The following CACNA2D3 variants were observed in gnomAD, a reference collection of about 807,000 sequenced individuals.
CACNA2D3 encodes calcium voltage-gated channel auxiliary subunit alpha2delta 3.
In CACNA2D3, 60 loss-of-function variants were observed where a neutral mutation model predicts 160.6. The ratio of observed to expected loss-of-function variants is 0.37; its 90% confidence interval spans 0.30 to 0.46. The LOEUF is 0.46. Among genes scored for constraint, CACNA2D3 ranks in the 20% least tolerant of loss-of-function variants. CACNA2D3 has a pLI of 1.00. For missense variants in CACNA2D3, 1,205 were observed against 1,365.0 expected (o/e 0.88, Z 1.85); for synonymous variants, 558 against 492.9 (o/e 1.13, Z -1.75).
intron 17 of CACNA2D3, among the ~76,000 whole-genome samples, chr3:54,862,225 G>A (rs1699306279): frequency 6.6e-6 from 1 of 152,156 alleles, no homozygotes; most frequent in Non-Finnish European, 1.5e-5. Flanking sequence ...AGACTCAGCT[G>A]GAAGGATCTG....
chr3:54,554,868 C>CTTTTTTTTTTTTTTTT (rs1248489904), intron 5 of CACNA2D3, among the ~76,000 whole-genome samples: 9 of 88,168 alleles, frequency 1.0e-4, no homozygotes, highest in African/African-American at 4.5e-4. Flanking sequence ...CTCTCTCACT[C>CTTTTTTTTTTTTTTTT]TCTTTTTTTT....
chr3:54,254,674 A>G (rs1247357841), intron 2 of CACNA2D3, among the ~76,000 whole-genome samples: 3 of 152,226 alleles, frequency 2.0e-5, no homozygotes, highest in African/African-American at 7.2e-5. Flanking sequence ...CATAAGTGCT[A>G]TATGAGAGTT....
intron 2 of CACNA2D3, among the ~76,000 whole-genome samples, chr3:54,132,015 A>G (rs962961767): frequency 6.6e-6 from 1 of 152,256 alleles, no homozygotes; most frequent in African/African-American, 2.4e-5. Flanking sequence ...CAGTAAATTT[A>G]CTGGATTCAG....
At chr3:54,898,819 T>A (rs145452643) in intron 26 of CACNA2D3, among the ~76,000 whole-genome samples, 44 of 152,338 alleles carry the variant, frequency 2.9e-4, no homozygotes, top group African/African-American at 1.0e-3. Flanking sequence ...AAGTTACAGA[T>A]GACGTAACAT....
chr3:54,536,864 C>G (rs1404493275), intron 5 of CACNA2D3, among the ~76,000 whole-genome samples: 2 of 152,194 alleles, frequency 1.3e-5, no homozygotes, highest in African/African-American at 4.8e-5. Context: ...TTCTTGGGTG[C>G]CCAGCGCTGT....
At chr3:54,809,089 G>A (rs1196212672) in intron 13 of CACNA2D3, among the ~76,000 whole-genome samples, 2 of 152,002 alleles carry the variant, frequency 1.3e-5, no homozygotes, top group Admixed American at 6.6e-5. Flanking sequence ...ACGCTATATT[G>A]TTGTCCAGGT....
intron 8 of CACNA2D3, among the ~76,000 whole-genome samples, chr3:54,576,142 C>T (rs768745879): frequency 6.6e-6 from 1 of 152,182 alleles, no homozygotes; most frequent in Non-Finnish European, 1.5e-5. Flanking sequence ...GAGGTCTTTC[C>T]TCATCCTCTT....
In CACNA2D3 at chr3:54,887,874, G is replaced by C. The variant is rs765248315; in HGVS notation, c.2057-85G>C. 1.7e-4 allele frequency: 169 copies of C among 974,518 alleles called. 1 individual carries two copies. Among genetic ancestry groups the C allele is most frequent in the Non-Finnish European group, 2.6e-4 (158 of 607,960 alleles). 60.4% of individuals were successfully genotyped at this position (974,518 alleles called of 1,614,324 possible). A position where few individuals can be genotyped will look rare whatever the true frequency, so the allele number is the denominator to read the frequency against. The stretch of plus-strand genomic sequence containing the variant: ...ATGCCGCATGAGAAAGTAGCCTGCA[G>C]ATGCTGCACAATGAGCCCATGAGTG... On this transcript the variant is annotated intron_variant, in intron 23 of 37. Coordinates refer to ENST00000474759, the MANE Select transcript of CACNA2D3 (RefSeq NM_018398.3).
At chr3:54,448,322 A>C (rs72973152) in intron 4 of CACNA2D3, among the ~76,000 whole-genome samples, 4,224 of 152,306 alleles carry the variant, frequency 0.028, 191 homozygotes, top group African/African-American at 0.097. Flanking sequence ...GTAGGTGAGT[A>C]CTGGCTGCTG....
At chr3:54,998,799 T>C (rs1702918102) in intron 31 of CACNA2D3, among the ~76,000 whole-genome samples, 1 of 152,112 alleles carries the variant, frequency 6.6e-6, no homozygotes, top group African/African-American at 2.4e-5. Flanking sequence ...CAGGCTGGAG[T>C]GCAGTGGCGT....
At chr3:55,071,670 TTGA>T (rs1336023315) in intron 35 of CACNA2D3, among the ~76,000 whole-genome samples, 1 of 151,698 alleles carries the variant, frequency 6.6e-6, no homozygotes, top group Non-Finnish European at 1.5e-5. Context: ...TCTTTGATGA[TTGA>T]TGATAGGAAG....
chr3:54,485,953 C>T (rs902474650), intron 4 of CACNA2D3, among the ~76,000 whole-genome samples: 2 of 152,216 alleles, frequency 1.3e-5, no homozygotes, highest in Non-Finnish European at 2.9e-5. Flanking sequence ...CACAACTTGA[C>T]TCCTTTGCTT....
intron 10 of CACNA2D3, among the ~76,000 whole-genome samples, chr3:54,636,880 T>A (rs1333201813): frequency 6.6e-6 from 1 of 151,892 alleles, no homozygotes; most frequent in African/African-American, 2.4e-5. Flanking sequence ...CCCAGGTAAT[T>A]TGCTGAGCCT....
intron 23 of CACNA2D3, among the ~76,000 whole-genome samples, chr3:54,886,960 A>T (rs1401305434): frequency 3.6e-5 from 1 of 27,510 alleles, no homozygotes; most frequent in Admixed American, 5.6e-4. Context: ...GCCCCCAGTC[A>T]AGGTGAGGAC....
chr3:54,389,536 G>A (rs1485170133), intron 4 of CACNA2D3, among the ~76,000 whole-genome samples: 1 of 152,164 alleles, frequency 6.6e-6, no homozygotes, highest in Non-Finnish European at 1.5e-5. Context: ...AAACCTGATA[G>A]ACACCACCTT....
intron 25 of CACNA2D3, among the ~76,000 whole-genome samples, chr3:54,892,626 A>G (rs990999368): frequency 6.6e-6 from 1 of 151,992 alleles, no homozygotes; most frequent in Non-Finnish European, 1.5e-5. Flanking sequence ...CCCCCAGACA[A>G]TTGTTTTTCC....
At chr3:54,968,631 C>A (rs746179127) in intron 28 of CACNA2D3, 120 bp downstream of exon 28, 1 of 710,350 alleles carries the variant, frequency 1.4e-6, no homozygotes, top group Non-Finnish European at 2.5e-6. Flanking sequence ...AATCAACTGC[C>A]GGCTGCTCAG....
intron 9 of CACNA2D3, among the ~76,000 whole-genome samples, chr3:54,588,807 T>C (rs1321742269): frequency 2.6e-5 from 4 of 151,972 alleles, no homozygotes; most frequent in African/African-American, 9.7e-5. Flanking sequence ...ACCTAAATAA[T>C]TGGAGAGACT....
chr3:54,881,255 C>T (rs551115408), intron 21 of CACNA2D3, among the ~76,000 whole-genome samples: 290 of 152,216 alleles, frequency 1.9e-3, no homozygotes, highest in African/African-American at 6.6e-3. Flanking sequence ...TATGAAATAA[C>T]TCATGCCCAG....
Sources: gnomAD v4.1 joint callset for allele counts (sites outside exome capture counted in the v4.1 genomes callset) on GRCh38, gnomAD v4.1.1 for gene constraint, MANE v1.5 for transcripts, NCBI Gene and HGNC (gene_info 2026-07-23, HGNC 2026-07-21) for gene names.